Variants in COL22A1 observed in about 807,000 individuals in gnomAD.
COL22A1 encodes collagen alpha-1(XXII) chain.
A neutral mutation model predicts 248.9 loss-of-function variants in COL22A1; 221 were observed. The ratio of observed to expected loss-of-function variants is 0.89; its 90% CI spans 0.80 to 0.99. COL22A1 has a LOEUF of 0.99. Ranked by LOEUF, COL22A1 falls within the 50% of genes least tolerant of loss-of-function variation. The probability of loss-of-function intolerance (pLI) is 0.00; values close to 1 mark genes in which losing one functional copy is unlikely to be tolerated. For missense variants in COL22A1, 2,240 were observed against 2,179.0 expected (o/e 1.03, Z -0.56); for synonymous variants, 891 against 793.4 (o/e 1.12, Z -2.07).
chr8:138,693,784 C>T (rs1827272398), intron 34 of COL22A1, 85 bp from the exon 35 acceptor site: 11 of 1,399,240 alleles, frequency 7.9e-6, no homozygotes, highest in African/African-American at 7.1e-5. Flanking sequence ...TCGGGAATAC[C>T]GTGCTCATCA....
chr8:138,863,111 A>C (rs1291368861), intron 3 of COL22A1, among the ~76,000 whole-genome samples: 2 of 152,176 alleles, frequency 1.3e-5, no homozygotes, highest in Admixed American at 1.3e-4. Context: ...AGATAAAATA[A>C]AGTCCTCTGC....
chr8:138,857,067 C>T (rs4736285), intron 3 of COL22A1, among the ~76,000 whole-genome samples: 1 of 151,878 alleles, frequency 6.6e-6, no homozygotes, highest in Non-Finnish European at 1.5e-5. Flanking sequence ...CCTGGCCTTG[C>T]TGTCCGCATC....
rs1820038049 is a variant in COL22A1, at chr8:138,623,895, CA to C, written c.3718-111del. ...GCCCAGCTTCCAGCAGTTGCCTTCACAGTTGGCAGCTAAGGCAGTGTCTCAA... is the reference window on the plus strand; with the variant it reads ...GCCCAGCTTCCAGCAGTTGCCTTCACGTTGGCAGCTAAGGCAGTGTCTCAA... On this transcript the variant is annotated intron_variant, in intron 51 of 64. Coordinates refer to ENST00000303045, the MANE Select transcript of COL22A1 (RefSeq NM_152888.3). The C allele has an allele frequency of 5.8e-6, 5 of 855,368 alleles. No individual in the cohort carries two copies. In the South Asian group the frequency reaches 8.3e-5, roughly 14 times the overall value. 53.0% of individuals were successfully genotyped at this position (855,368 alleles called of 1,614,324 possible).
intron 30 of COL22A1, among the ~76,000 whole-genome samples, chr8:138,710,818 T>C (rs1199612527): frequency 6.6e-6 from 1 of 152,086 alleles, no homozygotes; most frequent in African/African-American, 2.4e-5. Context: ...ATTATTTGAT[T>C]TTACCCAATT....
At chr8:138,771,022 C>T (rs1249585733) in intron 16 of COL22A1, among the ~76,000 whole-genome samples, 1 of 152,234 alleles carries the variant, frequency 6.6e-6, no homozygotes, top group Non-Finnish European at 1.5e-5. Context: ...AGTGAAGAAA[C>T]CTGGGACTTG....
chr8:138,738,806 G>A (rs973239896), intron 22 of COL22A1, among the ~76,000 whole-genome samples: 1 of 152,184 alleles, frequency 6.6e-6, no homozygotes, highest in Non-Finnish European at 1.5e-5. Flanking sequence ...TGTAAAACTT[G>A]ATATCGTCCT....
chr8:138,853,506 G>A (rs1055884502), intron 3 of COL22A1, among the ~76,000 whole-genome samples: 28 of 152,082 alleles, frequency 1.8e-4, no homozygotes, highest in African/African-American at 6.8e-4. Context: ...CCTCTTTAAT[G>A]ATTTACAAAT....
chr8:138,815,274 G>A (rs1324741192), intron 7 of COL22A1, among the ~76,000 whole-genome samples: 1 of 152,172 alleles, frequency 6.6e-6, no homozygotes, highest in Non-Finnish European at 1.5e-5. Flanking sequence ...ACAGCAGACT[G>A]AAGGATAATT....
At position 138,630,724 on chromosome 8, in the gene COL22A1, C is replaced by A. The variant is rs549424389; in HGVS notation, c.3634G>T (p.Ala1212Ser). Residue 1212 changes from alanine to serine, a missense_variant, in exon 50 of 65, where the codon GCT becomes TCT. By Grantham distance (99) the Ala-to-Ser change is moderately conservative. Transcript: ENST00000303045. ...PPGADGIAGA[A>S]GPPGIQGSPG... ...GACCCTTGGATTCCTGGTGGTCCAGCAGCTCCTGCAATTCCATCTGCCCCC... is the reference window on the plus strand; with the variant it reads ...GACCCTTGGATTCCTGGTGGTCCAGAAGCTCCTGCAATTCCATCTGCCCCC... The A allele has an allele frequency of 3.3e-5, 54 of 1,613,958 alleles. No homozygotes were observed. In the South Asian group the frequency reaches 5.2e-4, roughly 15 times the overall value.
chr8:138,723,934 T>G (rs76119666), intron 25 of COL22A1, among the ~76,000 whole-genome samples: 7,144 of 152,148 alleles, frequency 0.047, 237 homozygotes, highest in East Asian at 0.12. Context: ...GCCTCACCCC[T>G]CCTCCAGCAT....
At chr8:138,791,342 T>C (rs1221611261) in intron 12 of COL22A1, among the ~76,000 whole-genome samples, 1 of 152,286 alleles carries the variant, frequency 6.6e-6, no homozygotes, top group East Asian at 1.9e-4. Flanking sequence ...AGACAAATAC[T>C]GGGGAAGGGT....
intron 2 of COL22A1, among the ~76,000 whole-genome samples, chr8:138,881,257 G>A (rs1373856386): frequency 1.4e-5 from 2 of 140,884 alleles, no homozygotes; most frequent in Admixed American, 7.4e-5. Flanking sequence ...GATGTTTACA[G>A]TTATTACTGT....
In COL22A1 at chr8:138,684,480, A is replaced by G; in HGVS notation, c.2968-11T>C. 6.2e-7 allele frequency: 1 copy of G among 1,601,198 alleles called. No homozygotes were observed. The highest frequency in any genetic ancestry group is 8.6e-7 in the Non-Finnish European group (1 of 1,168,290). ...TGATCCACGGAGTCCCTGGAGAAAT[A>G]AATAATACAAGGACAATCATGGAGC... On this transcript the variant is annotated splice_polypyrimidine_tract_variant and intron_variant, in intron 38 of 64. Coordinates refer to ENST00000303045, the MANE Select transcript of COL22A1 (RefSeq NM_152888.3).
intron 36 of COL22A1, among the ~76,000 whole-genome samples, chr8:138,689,736 A>G (rs115591391): frequency 2.3e-3 from 357 of 152,294 alleles, no homozygotes; most frequent in African/African-American, 7.8e-3. Context: ...ATAAAAATAA[A>G]TAAAGCAGGG....
At chr8:138,620,727 A>C (rs1341194927) in intron 52 of COL22A1, 8 of 152,216 alleles carry the variant, frequency 5.3e-5, no homozygotes, top group Non-Finnish European at 7.3e-5. Context: ...CAGGCAAAAC[A>C]CTGAGGCACA....
At chr8:138,737,141 G>T (rs374336109) in intron 23 of COL22A1, among the ~76,000 whole-genome samples, 1 of 152,154 alleles carries the variant, frequency 6.6e-6, no homozygotes, top group Non-Finnish European at 1.5e-5. Flanking sequence ...CCCTCCCTCC[G>T]CTCATTCCAG....
chr8:138,655,777 C>T (rs1823195562), intron 45 of COL22A1, 120 bp downstream of exon 45: 1 of 842,608 alleles, frequency 1.2e-6, no homozygotes, highest in East Asian at 2.4e-5. Flanking sequence ...ACTAATGGCG[C>T]TGCTGTTATC....
At chr8:138,725,894 G>A (rs1830269326) in intron 23 of COL22A1, among the ~76,000 whole-genome samples, 1 of 152,164 alleles carries the variant, frequency 6.6e-6, no homozygotes, top group Non-Finnish European at 1.5e-5. Context: ...CACCAGGGGT[G>A]AGTAAAAAGA....
At chr8:138,843,207 G>A (rs1048407832) in intron 4 of COL22A1, among the ~76,000 whole-genome samples, 1 of 152,146 alleles carries the variant, frequency 6.6e-6, no homozygotes, top group Non-Finnish European at 1.5e-5. Context: ...ACAAGATGCA[G>A]ATGCTGGCAT....
Sources: gnomAD v4.1 joint callset for allele counts (sites outside exome capture counted in the v4.1 genomes callset) on GRCh38, gnomAD v4.1.1 for gene constraint, MANE v1.5 for transcripts, NCBI Gene and HGNC (gene_info 2026-07-23, HGNC 2026-07-21) for gene names.